The following FAM171B variants were observed in gnomAD, a reference collection of about 807,000 sequenced individuals.
FAM171B encodes protein FAM171B.
FAM171B carries 19 observed loss-of-function variants against 75.6 expected under a neutral mutation model. The observed-to-expected ratio is 0.25, with a 90% CI of 0.18 to 0.37. The LOEUF (loss-of-function observed/expected upper bound fraction) is 0.37, where lower values mean the gene tolerates loss of function less well. Ranked by LOEUF, FAM171B falls within the 10% of genes least tolerant of loss-of-function variation. FAM171B has a pLI of 1.00. For synonymous variants in FAM171B, 367 were observed against 361.7 expected (o/e 1.01, Z -0.17); for missense variants, 848 against 982.4 (o/e 0.86, Z 1.83).
At chr2:186,707,957 T>A (rs1306325054) in intron 1 of FAM171B, among the ~76,000 whole-genome samples, 13 of 152,150 alleles carry the variant, frequency 8.5e-5, no homozygotes, top group Admixed American at 8.5e-4. Flanking sequence ...TGGCTAGGCA[T>A]CTGTTCCATA....
intron 1 of FAM171B, among the ~76,000 whole-genome samples, chr2:186,725,280 C>G (rs1179302936): frequency 1.3e-5 from 2 of 150,474 alleles, no homozygotes; most frequent in Non-Finnish European, 3.0e-5. Flanking sequence ...GGAGGCGGAG[C>G]TTGCAGTGAG....
Position 186,694,060 on chromosome 2 carries a change from G to C in FAM171B, c.-114G>C. 1 of 1,328,310 alleles carries C rather than the reference G, an allele frequency of 7.5e-7. No homozygotes were observed. The highest frequency in any genetic ancestry group is 1.6e-5 in the African/African-American group (1 of 64,182). 82.3% of individuals were successfully genotyped at this position (1,328,310 alleles called of 1,614,324 possible). A position where few individuals can be genotyped will look rare whatever the true frequency, so the allele number is the denominator to read the frequency against. The stretch of plus-strand genomic sequence containing the variant: ...CCTCCTGCCGGTGAGGGAGTGCTTG[G>C]CAGATTGCGCGAGGGGGAGCGAGCG... On this transcript the variant is annotated 5_prime_UTR_variant, in exon 1 of 8. Coordinates refer to ENST00000304698, the MANE Select transcript of FAM171B (RefSeq NM_177454.4).
intron 5 of FAM171B, 140 bp from the exon 6 acceptor site, chr2:186,753,793 A>G: frequency 1.8e-6 from 1 of 564,376 alleles, no homozygotes; most frequent in East Asian, 3.3e-5. Context: ...ATATTATAAT[A>G]TGATGTGATA....
intron 1 of FAM171B, among the ~76,000 whole-genome samples, chr2:186,734,821 A>G (rs1034981934): frequency 1.3e-5 from 2 of 152,198 alleles, no homozygotes; most frequent in Non-Finnish European, 2.9e-5. Flanking sequence ...GAAGGGGCCT[A>G]GGCGACAGGG....
At chr2:186,715,189 T>TTGTG (rs765855128) in intron 1 of FAM171B, among the ~76,000 whole-genome samples, 1 of 151,362 alleles carries the variant, frequency 6.6e-6, no homozygotes, top group East Asian at 1.9e-4. Context: ...CTGAGGGGTT[T>TTGTG]TGTGTGTGTG....
chr2:186,712,402 C>T (rs1348877335), intron 1 of FAM171B, among the ~76,000 whole-genome samples: 1 of 152,126 alleles, frequency 6.6e-6, no homozygotes, highest in East Asian at 1.9e-4. Flanking sequence ...GACTGTATCT[C>T]TTTGTTCTTC....
At chr2:186,736,257 A>G (rs1690196944) in intron 1 of FAM171B, among the ~76,000 whole-genome samples, 1 of 152,224 alleles carries the variant, frequency 6.6e-6, no homozygotes, top group Non-Finnish European at 1.5e-5. Flanking sequence ...ATGGTTTACA[A>G]GCATAAACAT....
intron 1 of FAM171B, among the ~76,000 whole-genome samples, chr2:186,731,557 G>A (rs1690114151): frequency 6.6e-6 from 1 of 152,148 alleles, no homozygotes; most frequent in African/African-American, 2.4e-5. Context: ...ATTTCAAATT[G>A]AGCAGCAGCT....
intron 1 of FAM171B, among the ~76,000 whole-genome samples, chr2:186,706,398 TCTC>T (rs1313365096): frequency 2.0e-5 from 3 of 152,212 alleles, no homozygotes; most frequent in Non-Finnish European, 2.9e-5. Flanking sequence ...GATTCACACT[TCTC>T]ATGATATCAT....
intron 1 of FAM171B, among the ~76,000 whole-genome samples, chr2:186,711,819 C>T (rs369466043): frequency 6.6e-6 from 1 of 152,186 alleles, no homozygotes; most frequent in Non-Finnish European, 1.5e-5. Context: ...ATAGTCCAAA[C>T]TCCAGCAGAA....
chr2:186,725,257 T>A (rs1374433822), intron 1 of FAM171B, among the ~76,000 whole-genome samples: 1 of 149,872 alleles, frequency 6.7e-6, no homozygotes, highest in African/African-American at 2.5e-5. Flanking sequence ...AGCAGGAGAA[T>A]GGTGTTAACC....
chr2:186,738,578 T>G (rs1359064118), intron 1 of FAM171B, among the ~76,000 whole-genome samples: 2 of 152,084 alleles, frequency 1.3e-5, no homozygotes, highest in Non-Finnish European at 2.9e-5. Context: ...AAGTTCTCAC[T>G]CTGGTCGTGG....
intron 1 of FAM171B, among the ~76,000 whole-genome samples, chr2:186,712,274 T>C (rs1207331272): frequency 6.6e-6 from 1 of 152,184 alleles, no homozygotes; most frequent in Non-Finnish European, 1.5e-5. Context: ...CTAAGTGCAT[T>C]GCTATGAAAC....
chr2:186,694,816 T>G (rs1488047114), intron 1 of FAM171B, among the ~76,000 whole-genome samples: 2 of 150,602 alleles, frequency 1.3e-5, no homozygotes, highest in Non-Finnish European at 3.0e-5. Context: ...CCCTTAAACA[T>G]TTTGTTCTCT....
chr2:186,707,401 G>T (rs1303312584), intron 1 of FAM171B, among the ~76,000 whole-genome samples: 6 of 152,062 alleles, frequency 3.9e-5, no homozygotes, highest in African/African-American at 1.4e-4. Flanking sequence ...CTCTGGCTCA[G>T]GTTACTCTTA....
At chr2:186,705,810 C>G (rs546783032) in intron 1 of FAM171B, among the ~76,000 whole-genome samples, 1 of 152,294 alleles carries the variant, frequency 6.6e-6, no homozygotes, top group East Asian at 1.9e-4. Context: ...ACGCATGTAT[C>G]TCCGTCACTT....
intron 1 of FAM171B, among the ~76,000 whole-genome samples, chr2:186,725,786 A>G (rs1451623728): frequency 6.6e-6 from 1 of 152,234 alleles, no homozygotes; most frequent in Non-Finnish European, 1.5e-5. Context: ...TAAATGTTGA[A>G]TAAGTGTCTG....
chr2:186,699,542 G>T (rs1345580089), intron 1 of FAM171B, among the ~76,000 whole-genome samples: 1 of 152,114 alleles, frequency 6.6e-6, no homozygotes, highest in Non-Finnish European at 1.5e-5. Flanking sequence ...CTTGTCAGAT[G>T]GATAGTTGGC....
intron 1 of FAM171B, among the ~76,000 whole-genome samples, chr2:186,738,477 A>G (rs894665032): frequency 1.2e-4 from 19 of 152,092 alleles, no homozygotes; most frequent in African/African-American, 4.3e-4. Context: ...AGAATAGTCC[A>G]TGGGTCTTCT....
Sources: gnomAD v4.1 joint callset for allele counts (sites outside exome capture counted in the v4.1 genomes callset) on GRCh38, gnomAD v4.1.1 for gene constraint, MANE v1.5 for transcripts, NCBI Gene and HGNC (gene_info 2026-07-23, HGNC 2026-07-21) for gene names.